Variants in MTMR7 observed in about 807,000 individuals in gnomAD.
MTMR7 encodes phosphatidylinositol-3-phosphate phosphatase MTMR7.
A neutral mutation model predicts 81.2 loss-of-function variants in MTMR7; 76 were observed. That is an observed-to-expected ratio of 0.94 (90% CI 0.78 to 1.13). The LOEUF (loss-of-function observed/expected upper bound fraction) is 1.13. Ranked by LOEUF, MTMR7 falls within the 50% of genes most tolerant of loss-of-function variation. MTMR7 has a pLI of 0.00. For synonymous variants in MTMR7, 372 were observed against 289.8 expected (o/e 1.28, Z -2.88); for missense variants, 1,044 against 820.0 (o/e 1.27, Z -3.34).
At chr8:17,373,638 C>G (rs1159298340) in intron 1 of MTMR7, among the ~76,000 whole-genome samples, 2 of 152,168 alleles carry the variant, frequency 1.3e-5, no homozygotes, top group African/African-American at 4.8e-5. Context: ...AAGAAAAAAG[C>G]ACATTTTCCT....
chr8:17,382,039 G>A (rs796368659), intron 1 of MTMR7, among the ~76,000 whole-genome samples: 5 of 152,204 alleles, frequency 3.3e-5, no homozygotes, highest in African/African-American at 1.2e-4. Flanking sequence ...GACTACCTAC[G>A]AGGATACAAA....
intron 1 of MTMR7, among the ~76,000 whole-genome samples, chr8:17,386,195 G>A (rs1820935025): frequency 6.6e-6 from 1 of 152,120 alleles, no homozygotes; most frequent in Non-Finnish European, 1.5e-5. Flanking sequence ...AGATCATGCA[G>A]TGAGACCCTG....
At chr8:17,312,024 A>T (rs927497614) in intron 8 of MTMR7, among the ~76,000 whole-genome samples, 1 of 152,084 alleles carries the variant, frequency 6.6e-6, no homozygotes, top group South Asian at 2.1e-4. Context: ...AAGGCAAAAA[A>T]GTTATAAATT....
chr8:17,396,019 C>T (rs895720460), intron 1 of MTMR7, among the ~76,000 whole-genome samples: 22 of 151,610 alleles, frequency 1.5e-4, no homozygotes, highest in African/African-American at 3.6e-4. Flanking sequence ...ATTAAACTAC[C>T]GGAAATAAGT....
chr8:17,329,155 A>T (rs2150526080), intron 7 of MTMR7, among the ~76,000 whole-genome samples: 1 of 152,046 alleles, frequency 6.6e-6, no homozygotes. Flanking sequence ...TCCTCTGCCT[A>T]CCAAGTGACC....
At chr8:17,351,323 C>T (rs1819722791) in intron 4 of MTMR7, among the ~76,000 whole-genome samples, 1 of 152,150 alleles carries the variant, frequency 6.6e-6, no homozygotes, top group Non-Finnish European at 1.5e-5. Flanking sequence ...CTGCTAGGCC[C>T]TTTTATGGTC....
intron 1 of MTMR7, among the ~76,000 whole-genome samples, chr8:17,381,844 C>A (rs1820770856): frequency 1.3e-5 from 2 of 152,202 alleles, no homozygotes; most frequent in African/African-American, 4.8e-5. Flanking sequence ...ACTCTACCAA[C>A]ATGAAAAGAA....
chr8:17,306,451 A>G (rs1265163144), intron 10 of MTMR7, among the ~76,000 whole-genome samples: 1 of 152,074 alleles, frequency 6.6e-6, no homozygotes, highest in Non-Finnish European at 1.5e-5. Context: ...AAGCGGTTAA[A>G]GCTTATCACG....
intron 1 of MTMR7, among the ~76,000 whole-genome samples, chr8:17,381,304 C>A (rs1258127631): frequency 6.6e-6 from 1 of 152,056 alleles, no homozygotes; most frequent in Non-Finnish European, 1.5e-5. Flanking sequence ...CTGAGGAGGC[C>A]ACACTGGCGG....
chr8:17,344,303 A>G (rs1012936398), intron 5 of MTMR7, among the ~76,000 whole-genome samples: 1 of 152,202 alleles, frequency 6.6e-6, no homozygotes, highest in African/African-American at 2.4e-5. Context: ...GTCAGGCAGC[A>G]CAATACCTTA....
intron 1 of MTMR7, among the ~76,000 whole-genome samples, chr8:17,403,182 T>C (rs889858136): frequency 1.3e-5 from 2 of 152,222 alleles, no homozygotes; most frequent in Non-Finnish European, 2.9e-5. Context: ...ACAAATATTT[T>C]CTCCCATTCT....
At chr8:17,379,203 G>C (rs910547687) in intron 1 of MTMR7, among the ~76,000 whole-genome samples, 53 of 152,290 alleles carry the variant, frequency 3.5e-4, no homozygotes, top group Non-Finnish European at 1.2e-4. Flanking sequence ...GGTGGTCTTA[G>C]CAGGAGGGGT....
rs921324659 is a variant in MTMR7 at position 17,297,270 on chromosome 8, A to G, written c.*2592T>C. The stretch of plus-strand genomic sequence containing the variant: ...ATATCTTAAAATAGAAGAAAATTCT[A>G]AATCAATCAATCAGTGAGATATAAA... On this transcript the variant is annotated 3_prime_UTR_variant, in exon 14 of 14. Transcript: ENST00000180173. 6.6e-6 allele frequency: 1 copy of G among 152,154 alleles called. No homozygotes were observed. The highest frequency in any genetic ancestry group is 1.5e-5 in the Non-Finnish European group (1 of 67,988). 9.4% of individuals were successfully genotyped at this position (152,154 alleles called of 1,614,324 possible). A position where few individuals can be genotyped will look rare whatever the true frequency, so the allele number is the denominator to read the frequency against.
chr8:17,349,100 A>G lies in MTMR7; in HGVS notation c.469-19T>C, dbSNP rs756418261. 7 of 1,609,298 alleles carry G rather than the reference A, an allele frequency of 4.3e-6. No homozygotes were observed. The Admixed American group carries it at 1.0e-4, about 23-fold the overall frequency. On this transcript the variant is annotated intron_variant, in intron 4 of 13. Transcript: ENST00000180173. ...CACAGACCTGTCACCAGAAAATACA[A>G]AGAGATTTTTAGGCCATCTAGTAAT...
intron 1 of MTMR7, among the ~76,000 whole-genome samples, chr8:17,410,258 C>G (rs1436296652): frequency 6.6e-6 from 1 of 152,124 alleles, no homozygotes; most frequent in Admixed American, 6.5e-5. Context: ...TTTCATAACT[C>G]AAATTTACAC....
At chr8:17,309,446 G>T in intron 9 of MTMR7, 120 bp from the exon 10 acceptor site, 1 of 711,798 alleles carries the variant, frequency 1.4e-6, no homozygotes, top group Non-Finnish European at 2.5e-6. Flanking sequence ...CGAGTAACCT[G>T]CAAATGCATG....
At chr8:17,391,360 C>T (rs1821103244) in intron 1 of MTMR7, among the ~76,000 whole-genome samples, 1 of 152,098 alleles carries the variant, frequency 6.6e-6, no homozygotes, top group Non-Finnish European at 1.5e-5. Context: ...ACAGTGATGA[C>T]ATATATATTG....
At chr8:17,320,097 G>C (rs1818304160) in intron 7 of MTMR7, among the ~76,000 whole-genome samples, 1 of 151,502 alleles carries the variant, frequency 6.6e-6, no homozygotes, top group African/African-American at 2.4e-5. Flanking sequence ...GGATAGACGG[G>C]GTTAAATAAA....
chr8:17,320,023 C>G lies in MTMR7; in HGVS notation c.866-6622G>C, dbSNP rs1295539112. Among the ~76,000 whole-genome samples, 5 of 152,056 alleles carry G rather than the reference C, an allele frequency of 3.3e-5. No homozygotes were observed. In the East Asian group the frequency reaches 9.6e-4, roughly 29 times the overall value. ...AATCAAATTTTAAAGGCATGCTACA[C>G]ACAAAAAATGCAAAAACACTTCATT... On this transcript the variant is annotated intron_variant, in intron 7 of 13. Transcript: ENST00000180173.
Sources: allele counts gnomAD v4.1 joint callset (sites outside exome capture counted in the v4.1 genomes callset), GRCh38; gene constraint gnomAD v4.1.1; transcripts MANE v1.5; gene names NCBI Gene and HGNC (gene_info 2026-07-23, HGNC 2026-07-21).